SIPA1L1: variants seen among roughly 807,000 people sequenced by gnomAD.
The protein encoded by SIPA1L1 is signal-induced proliferation-associated 1-like protein 1.
A neutral mutation model predicts 162.7 loss-of-function variants in SIPA1L1; 26 were observed. That is an observed-to-expected ratio of 0.16 (90% CI 0.12 to 0.22). SIPA1L1 has a LOEUF of 0.22. Among genes scored for constraint, SIPA1L1 ranks in the 10% least tolerant of loss-of-function variants. The pLI is 1.00. For missense variants in SIPA1L1, 1,874 were observed against 2,241.0 expected (o/e 0.84, Z 3.31); for synonymous variants, 829 against 837.4 (o/e 0.99, Z 0.17).
intron 2 of SIPA1L1, among the ~76,000 whole-genome samples, chr14:71,421,154 T>G (rs1210640836): frequency 6.6e-6 from 1 of 152,222 alleles, no homozygotes; most frequent in Non-Finnish European, 1.5e-5. Context: ...ATATTGCGCA[T>G]ACTGTTTTAT....
chr14:71,427,819 A>G (rs2043687565), intron 2 of SIPA1L1, among the ~76,000 whole-genome samples: 1 of 151,556 alleles, frequency 6.6e-6, no homozygotes, highest in Non-Finnish European at 1.5e-5. Flanking sequence ...AAGTTTCTCT[A>G]CATCTTCCTT....
chr14:71,451,339 G>T (rs1283919475), intron 2 of SIPA1L1, among the ~76,000 whole-genome samples: 1 of 152,070 alleles, frequency 6.6e-6, no homozygotes, highest in Non-Finnish European at 1.5e-5. Context: ...TAATAAGTTA[G>T]TAGATAAGAA....
intron 7 of SIPA1L1, among the ~76,000 whole-genome samples, chr14:71,627,094 C>T (rs1291422775): frequency 7.5e-6 from 1 of 133,952 alleles, no homozygotes; most frequent in African/African-American, 2.7e-5. Context: ...CAAGCTTTTA[C>T]ATTCTCCATC....
intron 12 of SIPA1L1, among the ~76,000 whole-genome samples, chr14:71,677,129 G>A (rs1249338547): frequency 1.3e-5 from 2 of 152,202 alleles, no homozygotes; most frequent in Non-Finnish European, 2.9e-5. Context: ...ATCCTCTCCA[G>A]CAGCTGTTGT....
chr14:71,488,051 G>C (rs2048915818), intron 2 of SIPA1L1, among the ~76,000 whole-genome samples: 1 of 152,258 alleles, frequency 6.6e-6, no homozygotes, highest in East Asian at 1.9e-4. Context: ...TCTCATGGTC[G>C]ATACTTTTTG....
chr14:71,469,618 G>A (rs2142150866), intron 2 of SIPA1L1, among the ~76,000 whole-genome samples: 1 of 152,258 alleles, frequency 6.6e-6, no homozygotes, highest in Admixed American at 6.5e-5. Context: ...AAAGAGCAAG[G>A]GTTTTATTCT....
At chr14:71,691,342 A>T (rs1176120489) in intron 13 of SIPA1L1, among the ~76,000 whole-genome samples, 2 of 152,116 alleles carry the variant, frequency 1.3e-5, no homozygotes, top group Non-Finnish European at 2.9e-5. Flanking sequence ...CTATAATCCC[A>T]CCACTTTGGG....
intron 2 of SIPA1L1, among the ~76,000 whole-genome samples, chr14:71,495,886 C>CAA (rs61183823): frequency 0.034 from 1,312 of 38,070 alleles, 4 homozygotes; most frequent in African/African-American, 0.049. Flanking sequence ...TCCATCTCTA[C>CAA]AAAAAAAAAA....
intron 17 of SIPA1L1, among the ~76,000 whole-genome samples, chr14:71,714,874 G>A (rs544063582): frequency 1.8e-4 from 27 of 152,332 alleles, no homozygotes; most frequent in African/African-American, 6.0e-4. Flanking sequence ...GAGCCACTGA[G>A]CCTGGCCCAC....
At chr14:71,632,645 A>G (rs542473923) in intron 7 of SIPA1L1, among the ~76,000 whole-genome samples, 1 of 152,280 alleles carries the variant, frequency 6.6e-6, no homozygotes, top group East Asian at 1.9e-4. Context: ...CACACCCAGC[A>G]ATAACGGGGT....
chr14:71,391,412 G>A (rs2040748864), intron 2 of SIPA1L1, among the ~76,000 whole-genome samples: 1 of 152,138 alleles, frequency 6.6e-6, no homozygotes, highest in Non-Finnish European at 1.5e-5. Flanking sequence ...GCCGCATTCA[G>A]TATTCTTAGT....
intron 2 of SIPA1L1, among the ~76,000 whole-genome samples, chr14:71,386,276 C>T (rs2040316179): frequency 6.6e-6 from 1 of 152,174 alleles, no homozygotes; most frequent in Admixed American, 6.5e-5. Flanking sequence ...TGTTGGAGAG[C>T]AGGAGACATC....
At chr14:71,716,522 A>C (rs2083282740) in intron 17 of SIPA1L1, among the ~76,000 whole-genome samples, 1 of 152,172 alleles carries the variant, frequency 6.6e-6, no homozygotes, top group African/African-American at 2.4e-5. Context: ...GCTTTCTACA[A>C]CACAGACAGT....
intron 2 of SIPA1L1, chr14:71,400,677 A>G (rs1042615586): frequency 4.0e-5 from 6 of 151,798 alleles, no homozygotes; most frequent in Non-Finnish European, 5.9e-5. Flanking sequence ...TAATATATAC[A>G]TATTAAACAT....
At chr14:71,728,039 A>G (rs1206571559) in intron 19 of SIPA1L1, among the ~76,000 whole-genome samples, 1 of 152,190 alleles carries the variant, frequency 6.6e-6, no homozygotes. Flanking sequence ...GGCTGAAACT[A>G]GAATTGGCGG....
chr14:71,511,699 C>A (rs557849944), intron 2 of SIPA1L1, among the ~76,000 whole-genome samples: 24 of 152,222 alleles, frequency 1.6e-4, no homozygotes, highest in African/African-American at 5.8e-4. Context: ...TATATTAATA[C>A]GATGACTAGT....
chr14:71,382,338 G>T (rs2039972224), intron 2 of SIPA1L1, among the ~76,000 whole-genome samples: 1 of 152,154 alleles, frequency 6.6e-6, no homozygotes, highest in South Asian at 2.1e-4. Context: ...TTCTTTACTT[G>T]GGTGGTAGAA....
intron 2 of SIPA1L1, among the ~76,000 whole-genome samples, chr14:71,502,249 A>ATATATATATATATATAT (rs1567114570): frequency 3.0e-5 from 2 of 67,082 alleles, no homozygotes; most frequent in African/African-American, 1.4e-4. Context: ...CTTGAAAAAA[A>ATATATATATATATATAT]AAAAAAATAT....
chr14:71,563,940 T>G (rs2056989533), intron 4 of SIPA1L1, among the ~76,000 whole-genome samples: 1 of 152,204 alleles, frequency 6.6e-6, no homozygotes, highest in Non-Finnish European at 1.5e-5. Context: ...TAGTTATGTT[T>G]TTTTCTCATT....
Sources: gnomAD v4.1 joint callset for allele counts (sites outside exome capture counted in the v4.1 genomes callset) on GRCh38, gnomAD v4.1.1 for gene constraint, MANE v1.5 for transcripts, NCBI Gene and HGNC (gene_info 2026-07-23, HGNC 2026-07-21) for gene names.